SQSTM1: variants seen among roughly 807,000 people sequenced by gnomAD.
SQSTM1 encodes the protein sequestosome 1.
SQSTM1 carries 36 observed loss-of-function variants against 45.1 expected under a neutral mutation model. The ratio of observed to expected loss-of-function variants is 0.80; its 90% CI spans 0.61 to 1.05. The LOEUF (loss-of-function observed/expected upper bound fraction) is 1.05, where lower values mean the gene tolerates loss of function less well. Ranked by LOEUF, SQSTM1 falls within the 50% of genes least tolerant of loss-of-function variation. The pLI is 0.00. For missense variants in SQSTM1, 617 were observed against 607.1 expected, an observed-to-expected ratio of 1.02 and a Z score of -0.17; for synonymous variants, 290 against 244.3, an observed-to-expected ratio of 1.19 and a Z score of -1.74.
rs748739054 is a variant in SQSTM1, at chr5:179,820,917, C to T, written c.-20C>T. On this transcript the variant is annotated 5_prime_UTR_variant, in exon 1 of 8. Transcript: ENST00000389805. ...GGCTGCGACCGGGACGGCCCGTTTT[C>T]CGCCAGCTCGCCGCTCGCTATGGCG... 1.9e-5 allele frequency: 29 copies of T among 1,520,214 alleles called. No homozygotes were observed. Among genetic ancestry groups the T allele is most frequent in the Admixed American group, 1.9e-5 (1 of 52,464 alleles). The allele number at this position is 1,520,214 out of a possible 1,614,324, so 94.2% of individuals were successfully genotyped here.
rs76219234 is a variant in SQSTM1 at position 179,824,490 on chromosome 5, C to G, written c.673+167C>G. Among the ~76,000 whole-genome samples the G allele has an allele frequency of 0.017, 2,634 of 152,306 alleles. 94 individuals are homozygous for G. The highest frequency in any genetic ancestry group is 0.061 in the African/African-American group (2,539 of 41,550). ...CCCTGCAAAGTGGGGTGTATTCTCT[C>G]CATTTCCCAAATGGGGAAACTGAGG... On this transcript the variant is annotated intron_variant, in intron 4 of 7. Coordinates refer to ENST00000389805, the MANE Select transcript of SQSTM1 (RefSeq NM_003900.5).
intron 1 of SQSTM1, among the ~76,000 whole-genome samples, chr5:179,808,832 A>G (rs1299729220): frequency 2.0e-5 from 3 of 149,110 alleles, no homozygotes; most frequent in African/African-American, 7.3e-5. Flanking sequence ...TTGTAATTTT[A>G]TTTATTTATT....
intron 5 of SQSTM1, among the ~76,000 whole-genome samples, chr5:179,831,176 C>T (rs78345236): frequency 2.0e-5 from 3 of 152,026 alleles, no homozygotes; most frequent in Admixed American, 6.5e-5. Context: ...AGAGGGTGAA[C>T]GTAAAGGGGG....
At chr5:179,834,313 G>A (rs1758401850) in intron 7 of SQSTM1, among the ~76,000 whole-genome samples, 1 of 151,824 alleles carries the variant, frequency 6.6e-6, no homozygotes, top group Non-Finnish European at 1.5e-5. Context: ...CAAGGTCCGT[G>A]TGCACAACCT....
Position 179,833,737 on chromosome 5 carries a change from C to T in SQSTM1, c.1120C>T (p.Pro374Ser), listed in dbSNP as rs1192965638. The part of the protein sequence containing the change: ...PSSLDPSQEG[P>S]TGLKEAALYP... ...CTCTCTGGACCCCTCCCAGGAGGGA[C>T]CCACAGGGCTGAAGGAAGCTGCCTT... Residue 374 changes from proline (P) to serine (S), a missense_variant, in exon 7 of 8, where the codon CCC (proline) becomes TCC (serine). Physicochemically the swap from Pro to Ser is moderately conservative, Grantham distance 74 (BLOSUM62 -1). Transcript: ENST00000389805. The T allele has an allele frequency of 6.2e-7, 1 of 1,614,110 alleles. No individual in the cohort carries two copies. Among genetic ancestry groups the T allele is most frequent in the Non-Finnish European group, 8.5e-7 (1 of 1,180,032 alleles).
chr5:179,814,179 G>A (rs1581995353), upstream of SQSTM1, among the ~76,000 whole-genome samples: 1 of 152,144 alleles, frequency 6.6e-6, no homozygotes, highest in Admixed American at 6.5e-5. Context: ...TTTGTCTTTT[G>A]TCAGTTTAAT....
At chr5:179,824,988 G>A (rs1757934772) in intron 4 of SQSTM1, among the ~76,000 whole-genome samples, 158 bp from the exon 5 acceptor site, 1 of 152,088 alleles carries the variant, frequency 6.6e-6, no homozygotes, top group African/African-American at 2.4e-5. Context: ...GGTGCAGAGT[G>A]GGAGGAAGGA....
chr5:179,807,221 C>G (rs1251962206), intron 1 of SQSTM1: 1 of 152,286 alleles, frequency 6.6e-6, no homozygotes, highest in Non-Finnish European at 1.5e-5. Context: ...TCAGCAACAT[C>G]TCCTCCGCGC....
rs772638668 is a variant in SQSTM1 at position 179,837,177 on chromosome 5, T to C, written c.*584T>C. On this transcript the variant is annotated 3_prime_UTR_variant, in exon 8 of 8. Coordinates refer to ENST00000389805, the MANE Select transcript of SQSTM1 (RefSeq NM_003900.5). Reference sequence around the variant, plus strand: ...TCTCATTTCCAAACCATCAGCTGCTTTTAAAATAAGATCTCTTTGTAGCCA... The same window carrying C: ...TCTCATTTCCAAACCATCAGCTGCTCTTAAAATAAGATCTCTTTGTAGCCA... 2.0e-6 allele frequency: 3 copies of C among 1,516,804 alleles called. No individual in the cohort carries two copies. The South Asian group carries it at 3.5e-5, about 18-fold the overall frequency. 94.0% of individuals were successfully genotyped at this position (1,516,804 alleles called of 1,614,324 possible).
At position 179,823,610 on chromosome 5, in the gene SQSTM1, C is replaced by T. The variant is rs1157458407; in HGVS notation, c.302-248C>T. On this transcript the variant is annotated intron_variant, in intron 2 of 7. Coordinates refer to ENST00000389805, the MANE Select transcript of SQSTM1 (RefSeq NM_003900.5). ...GTGGCGCTTGGGTGAAGGGCAAGGC[C>T]AAAGCTGTGCAGACAGGGCTCCTTG... 3 of 576,188 alleles carry T rather than the reference C, an allele frequency of 5.2e-6. No individual in the cohort carries two copies. In the East Asian group the frequency reaches 8.8e-5, roughly 17 times the overall value. The allele number at this position is 576,188 out of a possible 1,614,324, so 35.7% of individuals were successfully genotyped here.
At chr5:179,829,743 G>A (rs1377323444) in intron 5 of SQSTM1, among the ~76,000 whole-genome samples, 1 of 152,208 alleles carries the variant, frequency 6.6e-6, no homozygotes, top group African/African-American at 2.4e-5. Context: ...AATATAGGAT[G>A]AGTAGGAATT....
intron 2 of SQSTM1, chr5:179,823,614 G>A (rs887190236): frequency 3.4e-6 from 2 of 580,218 alleles, no homozygotes; most frequent in Non-Finnish European, 6.1e-6. Context: ...CAAGGCCAAA[G>A]CTGTGCAGAC....
chr5:179,819,596 C>T (rs1312374394), upstream of SQSTM1, among the ~76,000 whole-genome samples: 1 of 152,242 alleles, frequency 6.6e-6, no homozygotes, highest in African/African-American at 2.4e-5. Flanking sequence ...CTGAGTCACG[C>T]TTGGCCAGCA....
Position 179,821,028 on chromosome 5 carries a change from C to G in SQSTM1, c.92C>G (p.Pro31Arg). 1 of 1,561,084 alleles carries G rather than the reference C, an allele frequency of 6.4e-7. No individual in the cohort carries two copies. Among genetic ancestry groups the G allele is most frequent in the Non-Finnish European group, 8.6e-7 (1 of 1,163,278 alleles). Residue 31 changes from proline to arginine, a missense_variant, in exon 1 of 8, where the codon CCT becomes CGT. Physicochemically the swap from Pro to Arg is moderately radical, Grantham distance 103. Coordinates refer to ENST00000389805, the MANE Select transcript of SQSTM1 (RefSeq NM_003900.5). ...TTCAGCTTCTGCTGCAGCCCCGAGC[C>G]TGAGGCGGAAGCCGAGGCTGCGGCG... ...RRFSFCCSPE[P>R]EAEAEAAAGP...
rs761423892 is a variant in SQSTM1 at position 179,823,891 on chromosome 5, C to A, written c.335C>A (p.Pro112Gln). The change falls in exon 3 of 8, where the codon CCG becomes CAG. Residue 112 changes from proline (P) to glutamine (Q), a missense_variant. Physicochemically the swap from Pro to Gln is moderately conservative, Grantham distance 76. Transcript: ENST00000389805. ...GAGTGCCGGCGGGACCACCGCCCAC[C>A]GTGTGCTCAGGAGGCGCCCCGCAAC... ...KKECRRDHRP[P>Q]CAQEAPRNMV... 1.9e-6 allele frequency: 3 copies of A among 1,613,296 alleles called. No individual in the cohort carries two copies. Among genetic ancestry groups the A allele is most frequent in the Non-Finnish European group, 2.5e-6 (3 of 1,180,026 alleles).
At chr5:179,816,412 CT>C (rs35316919), upstream of SQSTM1, among the ~76,000 whole-genome samples, 22,229 of 152,206 alleles carry the variant, frequency 0.15, 1,912 homozygotes, top group Admixed American at 0.21. Flanking sequence ...CCTCCCAGTG[CT>C]GGGACTACAG....
intron 5 of SQSTM1, among the ~76,000 whole-genome samples, chr5:179,830,715 G>C (rs543367070): frequency 1.3e-5 from 2 of 152,130 alleles, no homozygotes; most frequent in African/African-American, 4.8e-5. Flanking sequence ...CCGCCACCAT[G>C]CCTGGCTAAT....
At chr5:179,829,032 A>AG (rs1254395094) in intron 5 of SQSTM1, among the ~76,000 whole-genome samples, 2 of 151,986 alleles carry the variant, frequency 1.3e-5, no homozygotes, top group African/African-American at 2.4e-5. Context: ...GACAGGAACA[A>AG]GGGGGGAGGG....
upstream of SQSTM1, among the ~76,000 whole-genome samples, chr5:179,818,580 GGCTGGTCTCCTGGGACCACTGGGC>G (rs1757653176): frequency 6.6e-6 from 1 of 152,166 alleles, no homozygotes. Context: ...TGGCTGCCCC[GGCTGGTCTCCTGGGACCACTGGGC>G]GCTTGGCTCA....
Sources: allele counts gnomAD v4.1 joint callset (sites outside exome capture counted in the v4.1 genomes callset), GRCh38; gene constraint gnomAD v4.1.1; transcripts MANE v1.5; gene names NCBI Gene and HGNC (gene_info 2026-07-23, HGNC 2026-07-21).